The following GNS variants were observed in gnomAD, a reference collection of about 807,000 sequenced individuals.
GNS encodes glucosamine (N-acetyl)-6-sulfatase.
Under a neutral mutation model 69.7 loss-of-function variants are expected in GNS, and 40 were observed. The ratio of observed to expected loss-of-function variants is 0.57; its 90% CI spans 0.45 to 0.75. The LOEUF is 0.75. Among genes scored for constraint, GNS ranks in the 30% least tolerant of loss-of-function variants. The probability of loss-of-function intolerance (pLI) is 0.00; values close to 1 mark genes in which losing one functional copy is unlikely to be tolerated. For missense variants in GNS, 565 were observed against 685.5 expected, an observed-to-expected ratio of 0.82 and a Z score of 1.96; for synonymous variants, 243 against 251.6, an observed-to-expected ratio of 0.97 and a Z score of 0.32.
At chr12:64,753,091 GGGAA>G (rs1657122727) in intron 1 of GNS, 2 of 310,892 alleles carry the variant, frequency 6.4e-6, no homozygotes, top group Non-Finnish European at 6.0e-6. Context: ...AGTAGGATGT[GGGAA>G]ATGATATAAA....
chr12:64,740,075 A>G (rs2136245880), intron 7 of GNS, among the ~76,000 whole-genome samples: 1 of 152,376 alleles, frequency 6.6e-6, no homozygotes, highest in Non-Finnish European at 1.5e-5. Context: ...AGAGCTGAGT[A>G]GTTGTGACAG....
At chr12:64,755,812 G>A (rs537515628) in intron 1 of GNS, among the ~76,000 whole-genome samples, 7 of 151,024 alleles carry the variant, frequency 4.6e-5, no homozygotes, top group African/African-American at 1.2e-4. Flanking sequence ...CCGAGTAGCT[G>A]GGACTACAGG....
chr12:64,740,717 CA>C (rs779146159), intron 6 of GNS, 29 bp from the exon 7 acceptor site: 4 of 1,022,636 alleles, frequency 3.9e-6, no homozygotes, highest in South Asian at 2.5e-5. Context: ...AAAATGTTAA[CA>C]CCAAGTCACC....
Position 64,715,719 on chromosome 12 carries a change from G to C in GNS, c.*1022C>G, listed in dbSNP as rs1373877243. On this transcript the variant is annotated 3_prime_UTR_variant, in exon 14 of 14. Transcript: ENST00000258145. ...TTTTCCACCTTAAAACAAATGAAGA[G>C]AATGACAGAAAAATGCAGATAGAGC... is the stretch of plus-strand genomic sequence containing the variant. 1 of 153,112 alleles carries C rather than the reference G, an allele frequency of 6.5e-6. No individual in the cohort carries two copies. Among genetic ancestry groups the C allele is most frequent in the African/African-American group, 2.4e-5 (1 of 41,330 alleles). The allele number at this position is 153,112 out of a possible 1,614,324, so 9.5% of individuals were successfully genotyped here.
At chr12:64,752,202 T>A (rs1227443387) in intron 2 of GNS, among the ~76,000 whole-genome samples, 2 of 152,278 alleles carry the variant, frequency 1.3e-5, no homozygotes, top group South Asian at 4.1e-4. Context: ...AACATAACAC[T>A]ATGCTACTGT....
intron 2 of GNS, among the ~76,000 whole-genome samples, chr12:64,750,611 T>C (rs1870046230): frequency 6.6e-6 from 1 of 152,200 alleles, no homozygotes; most frequent in South Asian, 2.1e-4. Context: ...TATTACATAA[T>C]ATTGTGTCTT....
rs1868817224 is a variant in GNS at position 64,715,018 on chromosome 12, A to G, written c.*1723T>C. 3.3e-5 allele frequency: 5 copies of G among 152,648 alleles called. No individual in the cohort carries two copies. Among genetic ancestry groups the G allele is most frequent in the Admixed American group, 2.6e-4 (4 of 15,286 alleles). 9.5% of individuals were successfully genotyped at this position (152,648 alleles called of 1,614,324 possible). A position where few individuals can be genotyped will look rare whatever the true frequency, so the allele number is the denominator to read the frequency against. On this transcript the variant is annotated 3_prime_UTR_variant, in exon 14 of 14. Coordinates refer to ENST00000258145, the MANE Select transcript of GNS (RefSeq NM_002076.4). ...CCCAACATGACTATCTGCAATTCTG[A>G]TAGAAAAGCTACTTTCAGCCATGTC...
intron 2 of GNS, among the ~76,000 whole-genome samples, chr12:64,752,251 T>C (rs910533571): frequency 2.0e-5 from 3 of 152,198 alleles, no homozygotes; most frequent in Non-Finnish European, 2.9e-5. Flanking sequence ...CTTACATTCC[T>C]AGACTACCAT....
chr12:64,749,653 T>C (rs977931872), intron 2 of GNS, among the ~76,000 whole-genome samples: 1 of 152,166 alleles, frequency 6.6e-6, no homozygotes, highest in Non-Finnish European at 1.5e-5. Flanking sequence ...CTCATTTTTT[T>C]CCCCCAGGGC....
chr12:64,719,093 T>A (rs751558796), intron 13 of GNS, among the ~76,000 whole-genome samples: 25 of 152,264 alleles, frequency 1.6e-4, no homozygotes, highest in Non-Finnish European at 3.2e-4. Flanking sequence ...TACCTGGCTT[T>A]AGTTTACTGG....
Position 64,737,100 on chromosome 12 carries a change from A to G in GNS, c.1002T>C (p.Phe334=), listed in dbSNP as rs1419144568. ...TSDNGYHTGQ[F]SLPIDKRQLY... ...GCTGTCTCTTGTCTATTGGCAAGGA[A>G]AACTGTCCTGAAAACAAAACACACA... The change falls in exon 9 of 14, where the codon TTT becomes TTC. Residue 334 remains phenylalanine (F), a synonymous_variant. Transcript: ENST00000258145. 1 of 1,536,948 alleles carries G rather than the reference A, an allele frequency of 6.5e-7. No individual in the cohort carries two copies. Among genetic ancestry groups the G allele is most frequent in the Non-Finnish European group, 9.0e-7 (1 of 1,109,512 alleles).
chr12:64,752,801 A>C (rs1167257981), intron 1 of GNS, 44 bp from the exon 2 acceptor site: 2 of 948,158 alleles, frequency 2.1e-6, no homozygotes, highest in Non-Finnish European at 3.5e-6. Context: ...TCTTCCAATA[A>C]ATTGAGACAC....
intron 8 of GNS, 72 bp downstream of exon 8, chr12:64,739,309 C>T: frequency 1.2e-6 from 1 of 862,336 alleles, no homozygotes; most frequent in South Asian, 1.3e-5. Context: ...GAACTCCCTC[C>T]CAGGGCTCAT....
rs1210247666 is a variant in GNS, at chr12:64,732,153, A to ATTTTTTTTTTTTT, written c.1099-3097_1099-3096insAAAAAAAAAAAAA. ...AGGCACCTGCCACCACACCTGGCTA[A>ATTTTTTTTTTTTT]TTTTTTTTTTTTGTTGTTTTTTTTT... is the stretch of plus-strand genomic sequence containing the variant. On this transcript the variant is annotated intron_variant, in intron 9 of 13. Transcript: ENST00000258145. 1.0e-3 allele frequency among the ~76,000 whole-genome samples: 93 copies of ATTTTTTTTTTTTT among 88,744 alleles called. 23 individuals carry two copies. The highest frequency in any genetic ancestry group is 5.8e-3 in the Middle Eastern group (1 of 172). 58.2% of individuals were successfully genotyped at this position (88,744 alleles called of 152,430 possible). A position where few individuals can be genotyped will look rare whatever the true frequency, so the allele number is the denominator to read the frequency against.
intron 9 of GNS, among the ~76,000 whole-genome samples, chr12:64,732,153 A>ATTT (rs1210247666): frequency 0.022 from 1,907 of 88,520 alleles, 438 homozygotes; most frequent in African/African-American, 0.066. Flanking sequence ...CACCTGGCTA[A>ATTT]TTTTTTTTTT....
chr12:64,758,600 T>C (rs1250125771), intron 1 of GNS, among the ~76,000 whole-genome samples: 1 of 152,048 alleles, frequency 6.6e-6, no homozygotes, highest in Non-Finnish European at 1.5e-5. Flanking sequence ...TGGGATTACA[T>C]GAGTGACACA....
In GNS at chr12:64,720,178, A is replaced by G. The variant is rs1868981080; in HGVS notation, c.1424T>C (p.Phe475Ser). ...QYCEFDDQEVFVEVYNLTADP... is the reference protein window; with the variant it reads ...QYCEFDDQEVSVEVYNLTADP... ...TGCAGTCAGATTATAGACTTCTACA[A>G]ACACCTAGAGGACATGAAAGAATGG... The change falls in exon 13 of 14, where the codon TTT (phenylalanine) becomes TCT (serine). Residue 475 changes from phenylalanine to serine, a missense_variant. By Grantham distance (155) the Phe-to-Ser change is radical. Transcript: ENST00000258145. The G allele has an allele frequency of 6.3e-7, 1 of 1,592,018 alleles. No homozygotes were observed. The highest frequency in any genetic ancestry group is 8.6e-7 in the Non-Finnish European group (1 of 1,160,168).
intron 2 of GNS, among the ~76,000 whole-genome samples, chr12:64,750,828 C>A (rs1251083822): frequency 6.6e-6 from 1 of 151,984 alleles, no homozygotes; most frequent in Non-Finnish European, 1.5e-5. Flanking sequence ...ATCATCTGAG[C>A]CCAGGAGTTT....
rs997482840 is a variant in GNS, at chr12:64,759,405, A to G, written c.-129T>C. On this transcript the variant is annotated 5_prime_UTR_variant, in exon 1 of 14. Transcript: ENST00000258145. Reference sequence around the variant, plus strand: ...CTTGAAGGCCGGTGGCTGGAGTCAGACGTTTTCTCCCTAGGCGCGATCACG... The same window carrying G: ...CTTGAAGGCCGGTGGCTGGAGTCAGGCGTTTTCTCCCTAGGCGCGATCACG... The G allele has an allele frequency of 2.3e-5, 15 of 648,850 alleles. No homozygotes were observed. Among genetic ancestry groups the G allele is most frequent in the Non-Finnish European group, 3.9e-5 (15 of 383,290 alleles). The allele number at this position is 648,850 out of a possible 1,614,324, so 40.2% of individuals were successfully genotyped here.
Sources: allele counts gnomAD v4.1 joint callset (sites outside exome capture counted in the v4.1 genomes callset), GRCh38; gene constraint gnomAD v4.1.1; transcripts MANE v1.5; gene names NCBI Gene and HGNC (gene_info 2026-07-23, HGNC 2026-07-21).